Variants in MCTP2 observed in about 807,000 individuals in gnomAD.
MCTP2 encodes the protein multiple C2 and transmembrane domain-containing protein 2.
MCTP2 carries 132 observed loss-of-function variants against 111.6 expected under a neutral mutation model. The ratio of observed to expected loss-of-function variants is 1.18; its 90% CI spans 1.03 to 1.37. The LOEUF (loss-of-function observed/expected upper bound fraction) is 1.37, where lower values mean the gene tolerates loss of function less well. Ranked by LOEUF, MCTP2 falls within the 40% of genes most tolerant of loss-of-function variation. The probability of loss-of-function intolerance (pLI) is 0.00; values close to 1 mark genes in which losing one functional copy is unlikely to be tolerated. For missense variants in MCTP2, 1,183 were observed against 1,067.9 expected (o/e 1.11, Z -1.50); for synonymous variants, 395 against 387.7 (o/e 1.02, Z -0.22).
At chr15:94,422,352 G>A (rs534053345) in intron 17 of MCTP2, among the ~76,000 whole-genome samples, 4 of 152,280 alleles carry the variant, frequency 2.6e-5, no homozygotes, top group Non-Finnish European at 5.9e-5. Context: ...GTGAGTGAGT[G>A]TAAGGGGCAC....
At chr15:94,247,245 G>A (rs1330485332) in intron 1 of MCTP2, among the ~76,000 whole-genome samples, 2 of 152,138 alleles carry the variant, frequency 1.3e-5, no homozygotes, top group Non-Finnish European at 2.9e-5. Context: ...GGCATTGGAT[G>A]CACATCAGTC....
intron 10 of MCTP2, among the ~76,000 whole-genome samples, chr15:94,361,755 A>G (rs572405932): frequency 4.6e-5 from 7 of 152,330 alleles, no homozygotes; most frequent in South Asian, 4.1e-4. Context: ...GGCAGTGACC[A>G]TCGTCAAGGA....
chr15:94,292,539 T>C (rs2075079879), intron 1 of MCTP2, among the ~76,000 whole-genome samples: 1 of 151,998 alleles, frequency 6.6e-6, no homozygotes, highest in Non-Finnish European at 1.5e-5. Context: ...AAAAATGAAA[T>C]ACAAATCAAC....
intron 1 of MCTP2, among the ~76,000 whole-genome samples, chr15:94,234,796 C>G (rs1387158445): frequency 6.6e-6 from 1 of 152,180 alleles, no homozygotes; most frequent in Non-Finnish European, 1.5e-5. Context: ...GTCAAGAACT[C>G]CCAGTCTCAT....
chr15:94,478,898 C>T, intron 22 of MCTP2, 68 bp from the exon 23 acceptor site: 2 of 1,382,308 alleles, frequency 1.4e-6, no homozygotes, highest in East Asian at 2.3e-5. Flanking sequence ...CCTTGGGGAG[C>T]CATTAGCACA....
intron 4 of MCTP2, among the ~76,000 whole-genome samples, chr15:94,336,055 T>G (rs2077344207): frequency 6.6e-6 from 1 of 152,260 alleles, no homozygotes; most frequent in Non-Finnish European, 1.5e-5. Context: ...CTCCTTATTT[T>G]GCTTTTATAG....
chr15:94,388,324 G>A (rs561470773), intron 14 of MCTP2, among the ~76,000 whole-genome samples: 1 of 152,252 alleles, frequency 6.6e-6, no homozygotes, highest in East Asian at 1.9e-4. Context: ...GGCTGCTGCT[G>A]TTCACTCTGT....
intron 19 of MCTP2, among the ~76,000 whole-genome samples, chr15:94,450,715 G>T (rs1165457265): frequency 6.6e-6 from 1 of 152,104 alleles, no homozygotes; most frequent in Non-Finnish European, 1.5e-5. Flanking sequence ...AAAAATTTTT[G>T]CATTAATCTC....
chr15:94,415,318 C>G (rs905910320), intron 17 of MCTP2, among the ~76,000 whole-genome samples: 20 of 152,054 alleles, frequency 1.3e-4, no homozygotes, highest in African/African-American at 4.3e-4. Context: ...GATCAAGTAA[C>G]CTAGACGGTG....
intron 1 of MCTP2, among the ~76,000 whole-genome samples, chr15:94,284,712 G>A (rs967508466): frequency 6.6e-6 from 1 of 152,212 alleles, no homozygotes; most frequent in Non-Finnish European, 1.5e-5. Flanking sequence ...TCACAGAGAT[G>A]TTCATAGGCA....
chr15:94,265,935 A>C (rs1414514620), intron 1 of MCTP2, among the ~76,000 whole-genome samples: 1 of 152,220 alleles, frequency 6.6e-6, no homozygotes, highest in Non-Finnish European at 1.5e-5. Context: ...TGTAATTACC[A>C]CAATTTCAGT....
chr15:94,466,739 T>A (rs1487048460), intron 20 of MCTP2, among the ~76,000 whole-genome samples: 1 of 152,192 alleles, frequency 6.6e-6, no homozygotes, highest in Non-Finnish European at 1.5e-5. Flanking sequence ...GGAGCTTAGT[T>A]ACCTCCAAGA....
At chr15:94,298,835 TCC>T (rs1480943405) in intron 2 of MCTP2, 105 bp downstream of exon 2, 3 of 390,226 alleles carry the variant, frequency 7.7e-6, no homozygotes, top group Non-Finnish European at 4.0e-6. Flanking sequence ...CCCCTCCCCC[TCC>T]CTCTCTCTTC....
chr15:94,271,982 A>G (rs2073928925), intron 1 of MCTP2, among the ~76,000 whole-genome samples: 1 of 152,198 alleles, frequency 6.6e-6, no homozygotes, highest in Non-Finnish European at 1.5e-5. Context: ...TATTCCGGTG[A>G]TGTTCTAAAG....
intron 1 of MCTP2, among the ~76,000 whole-genome samples, chr15:94,241,128 C>T (rs1381826007): frequency 8.7e-6 from 1 of 115,506 alleles, no homozygotes; most frequent in Non-Finnish European, 1.9e-5. Context: ...GAGATATCTC[C>T]TAGGGATCCT....
intron 1 of MCTP2, among the ~76,000 whole-genome samples, chr15:94,245,702 A>G (rs990240011): frequency 3.5e-4 from 50 of 142,090 alleles, no homozygotes; most frequent in Non-Finnish European, 5.1e-4. Context: ...ATATAAATAT[A>G]TGTGTGTGTG....
At chr15:94,439,816 G>C (rs2083675238) in intron 17 of MCTP2, among the ~76,000 whole-genome samples, 1 of 152,158 alleles carries the variant, frequency 6.6e-6, no homozygotes, top group Admixed American at 6.5e-5. Context: ...AAAAAGTAGT[G>C]GCTCTTTCCT....
chr15:94,452,401 G>A (rs1272006028), intron 19 of MCTP2, among the ~76,000 whole-genome samples: 1 of 152,186 alleles, frequency 6.6e-6, no homozygotes, highest in Admixed American at 6.5e-5. Context: ...GAATCCTTAG[G>A]AAGAGGATTC....
intron 17 of MCTP2, among the ~76,000 whole-genome samples, chr15:94,415,514 A>G (rs1410467458): frequency 6.6e-6 from 1 of 152,084 alleles, no homozygotes; most frequent in East Asian, 1.9e-4. Context: ...TTTTGATCAA[A>G]TTTGTTTTCA....
Sources: gnomAD v4.1 joint callset for allele counts (sites outside exome capture counted in the v4.1 genomes callset) on GRCh38, gnomAD v4.1.1 for gene constraint, MANE v1.5 for transcripts, NCBI Gene and HGNC (gene_info 2026-07-23, HGNC 2026-07-21) for gene names.